The following MSL2 variants were observed in gnomAD, a reference collection of about 807,000 sequenced individuals.
MSL2 encodes MSL complex subunit 2.
In MSL2, 2 loss-of-function variants were observed where a neutral mutation model predicts 35.8. The observed-to-expected ratio is 0.06, with a 90% confidence interval of 0.02 to 0.18. The LOEUF (loss-of-function observed/expected upper bound fraction) is 0.18. Ranked by LOEUF, MSL2 falls within the 10% of genes least tolerant of loss-of-function variation. The pLI, the probability that MSL2 is intolerant of heterozygous loss-of-function variation, is 1.00. For synonymous variants in MSL2, 296 were observed against 255.7 expected (o/e 1.16, Z -1.50); for missense variants, 523 against 706.7 (o/e 0.74, Z 2.95).
chr3:136,180,075 T>A (rs1173588669), intron 1 of MSL2, among the ~76,000 whole-genome samples: 8 of 151,458 alleles, frequency 5.3e-5, no homozygotes, highest in South Asian at 2.1e-4. Context: ...AAAAAAAAAA[T>A]AAAAAATAAA....
chr3:136,195,173 A>G lies in MSL2; in HGVS notation c.-60T>C, dbSNP rs1323833505. The G allele has an allele frequency of 6.4e-7, 1 of 1,565,396 alleles. No homozygotes were observed. The highest frequency in any genetic ancestry group is 8.6e-7 in the Non-Finnish European group (1 of 1,158,156). ...AAAGAAATTCCGGATCCAACTTAGT[A>G]AGCAGCCAGGGAACGATGGCGAATT... On this transcript the variant is annotated 5_prime_UTR_variant, in exon 1 of 2. Coordinates refer to ENST00000309993, the MANE Select transcript of MSL2 (RefSeq NM_018133.4).
intron 1 of MSL2, among the ~76,000 whole-genome samples, chr3:136,183,801 T>C (rs1940434535): frequency 6.6e-6 from 1 of 152,182 alleles, no homozygotes; most frequent in Non-Finnish European, 1.5e-5. Context: ...TTCAACTCAA[T>C]AACTGACAAA....
At chr3:136,161,422 C>T (rs1469687082) in intron 1 of MSL2, among the ~76,000 whole-genome samples, 1 of 152,158 alleles carries the variant, frequency 6.6e-6, no homozygotes, top group Non-Finnish European at 1.5e-5. Context: ...TGTGAATGTG[C>T]ACAGCAGCAT....
intron 1 of MSL2, among the ~76,000 whole-genome samples, chr3:136,182,554 G>A (rs1016786695): frequency 6.6e-6 from 1 of 152,152 alleles, no homozygotes; most frequent in Non-Finnish European, 1.5e-5. Context: ...TGGATTGAGG[G>A]GGGTGGGGGA....
chr3:136,177,227 C>T (rs1221977286), intron 1 of MSL2, among the ~76,000 whole-genome samples: 1 of 152,164 alleles, frequency 6.6e-6, no homozygotes, highest in Non-Finnish European at 1.5e-5. Flanking sequence ...TCAGCATTAG[C>T]CCATTTAAAT....
intron 1 of MSL2, among the ~76,000 whole-genome samples, chr3:136,181,549 GA>G (rs1940363597): frequency 6.6e-6 from 1 of 152,152 alleles, no homozygotes; most frequent in South Asian, 2.1e-4. Flanking sequence ...TTACTAAGGT[GA>G]AGAAATTGTT....
chr3:136,181,692 G>C (rs988930630), intron 1 of MSL2, among the ~76,000 whole-genome samples: 1 of 151,924 alleles, frequency 6.6e-6, no homozygotes, highest in African/African-American at 2.4e-5. Flanking sequence ...GCTGAGGCAG[G>C]TGGATCACCT....
intron 1 of MSL2, among the ~76,000 whole-genome samples, chr3:136,157,980 G>T (rs1272920727): frequency 6.6e-6 from 1 of 152,168 alleles, no homozygotes; most frequent in Non-Finnish European, 1.5e-5. Context: ...TTAAAGGCCA[G>T]TAACTACTAT....
chr3:136,195,422 T>G lies in MSL2; in HGVS notation c.-309A>C, dbSNP rs1233519403. 1 of 1,121,096 alleles carries G rather than the reference T, an allele frequency of 8.9e-7. No individual in the cohort carries two copies. Among genetic ancestry groups the G allele is most frequent in the African/African-American group, 1.7e-5 (1 of 60,182 alleles). 69.4% of individuals were successfully genotyped at this position (1,121,096 alleles called of 1,614,324 possible). On this transcript the variant is annotated 5_prime_UTR_variant, in exon 1 of 2. Coordinates refer to ENST00000309993, the MANE Select transcript of MSL2 (RefSeq NM_018133.4). ...GCGGCTTGGGCGCTCGGGGCGGGAC[T>G]CGGAGCTCAGTCTAGCCCCGCGGCT...
Position 136,152,642 on chromosome 3 carries a change from G to A in MSL2, c.239C>T (p.Ser80Phe). Residue 80 changes from serine (S) to phenylalanine (F), a missense_variant, in exon 2 of 2, where the codon TCC becomes TTC. Physicochemically the swap from Ser to Phe is radical, Grantham distance 155 (BLOSUM62 -2). Coordinates refer to ENST00000309993, the MANE Select transcript of MSL2 (RefSeq NM_018133.4). Reference sequence around the variant, plus strand: ...CTCATAGTCTTTGCACCAGCTACAGGAAGGTTTCATCATCATTTTCTTGCC... The same window carrying A: ...CTCATAGTCTTTGCACCAGCTACAGAAAGGTTTCATCATCATTTTCTTGCC... ...CKGKKMMMKP[S>F]CSWCKDYEQF... 6.2e-7 allele frequency: 1 copy of A among 1,614,158 alleles called. No individual in the cohort carries two copies. Among genetic ancestry groups the A allele is most frequent in the Non-Finnish European group, 8.5e-7 (1 of 1,180,044 alleles).
At chr3:136,160,784 C>G (rs1939687365) in intron 1 of MSL2, among the ~76,000 whole-genome samples, 1 of 151,872 alleles carries the variant, frequency 6.6e-6, no homozygotes, top group South Asian at 2.1e-4. Flanking sequence ...AAACATTTCA[C>G]CAAAGAAAAT....
At chr3:136,194,254 G>A (rs998061682) in intron 1 of MSL2, 1 of 200,842 alleles carries the variant, frequency 5.0e-6, no homozygotes, top group Admixed American at 6.5e-5. Context: ...AGACAATTTA[G>A]CATATCTCTT....
intron 1 of MSL2, among the ~76,000 whole-genome samples, chr3:136,178,494 C>CA (rs1196251311): frequency 1.3e-5 from 2 of 149,274 alleles, no homozygotes; most frequent in African/African-American, 2.5e-5. Context: ...CTATAGGTGT[C>CA]AAAAAACTTA....
At chr3:136,167,109 T>TG in intron 1 of MSL2, among the ~76,000 whole-genome samples, 1 of 152,256 alleles carries the variant, frequency 6.6e-6, no homozygotes, top group East Asian at 1.9e-4. Context: ...TTAGCAAAAT[T>TG]TGTTAACAAC....
At chr3:136,183,692 A>G (rs6439630) in intron 1 of MSL2, among the ~76,000 whole-genome samples, 152,295 of 152,340 alleles carry the variant, frequency 1, 76,125 homozygotes, top group Middle Eastern at 1. Flanking sequence ...CATAAGTTCC[A>G]AAAGGTTTCA....
intron 1 of MSL2, among the ~76,000 whole-genome samples, chr3:136,155,187 C>T (rs1263282874): frequency 6.7e-6 from 1 of 148,896 alleles, no homozygotes; most frequent in East Asian, 2.0e-4. Flanking sequence ...TCCAGCCTGG[C>T]GACAGGGCAA....
At chr3:136,153,463 C>G (rs1275386659) in intron 1 of MSL2, among the ~76,000 whole-genome samples, 1 of 152,082 alleles carries the variant, frequency 6.6e-6, no homozygotes, top group Non-Finnish European at 1.5e-5. Context: ...TGCATATATA[C>G]TAATCATAAA....
At chr3:136,188,350 C>T (rs549053895) in intron 1 of MSL2, among the ~76,000 whole-genome samples, 63 of 151,548 alleles carry the variant, frequency 4.2e-4, no homozygotes, top group African/African-American at 1.5e-3. Context: ...AGGAGAATCG[C>T]TTGAACCCAT....
At chr3:136,185,745 A>T in intron 1 of MSL2, among the ~76,000 whole-genome samples, 1 of 152,032 alleles carries the variant, frequency 6.6e-6, no homozygotes, top group Non-Finnish European at 1.5e-5. Flanking sequence ...ACCTCAGATG[A>T]TCCACCTGCC....
Sources: gnomAD v4.1 joint callset for allele counts (sites outside exome capture counted in the v4.1 genomes callset) on GRCh38, gnomAD v4.1.1 for gene constraint, MANE v1.5 for transcripts, NCBI Gene and HGNC (gene_info 2026-07-23, HGNC 2026-07-21) for gene names.